Variants in PTPRD observed in about 807,000 individuals in gnomAD.
PTPRD encodes receptor-type tyrosine-protein phosphatase delta.
In PTPRD, 34 loss-of-function variants were observed where a neutral mutation model predicts 214.5. The ratio of observed to expected loss-of-function variants is 0.16; its 90% CI spans 0.12 to 0.21. The LOEUF is 0.21. Ranked by LOEUF, PTPRD falls within the 10% of genes least tolerant of loss-of-function variation. PTPRD has a pLI of 1.00. For synonymous variants in PTPRD, 1,128 were observed against 845.7 expected, an observed-to-expected ratio of 1.33 and a Z score of -5.79; for missense variants, 2,545 against 2,398.7, an observed-to-expected ratio of 1.06 and a Z score of -1.27.
In PTPRD at chr9:8,523,537, G is replaced by A. The variant is rs776467229; in HGVS notation, c.680-13C>T. The A allele has an allele frequency of 1.9e-5, 30 of 1,612,974 alleles. No individual in the cohort carries two copies. The highest frequency in any genetic ancestry group is 5.0e-5 in the Admixed American group (3 of 59,910). ...CCTTCTCGCAGCTCTGAGGGATGTA[G>A]GGGGTTTGATGCAGAACACAATGAA... On this transcript the variant is annotated splice_polypyrimidine_tract_variant and intron_variant, in intron 18 of 45. Coordinates refer to ENST00000381196, the MANE Select transcript of PTPRD (RefSeq NM_002839.4).
intron 7 of PTPRD, among the ~76,000 whole-genome samples, chr9:9,593,142 G>GAAAGAAAAGAAAAGAAAAGAAAAGA (rs56345527): frequency 6.2e-5 from 9 of 145,932 alleles, no homozygotes; most frequent in African/African-American, 2.3e-4. Context: ...AAAGGAAAGG[G>GAAAGAAAAGAAAAGAAAAGAAAAGA]AAAGAAAAGA....
chr9:10,610,642 A>T (rs2080746176), intron 2 of PTPRD, among the ~76,000 whole-genome samples: 1 of 152,164 alleles, frequency 6.6e-6, no homozygotes, highest in East Asian at 1.9e-4. Context: ...TTTTAAACCA[A>T]TAATAGAAAT....
chr9:10,210,821 ATGTATGTAT>A (rs2099513466), intron 3 of PTPRD, among the ~76,000 whole-genome samples: 1 of 68,144 alleles, frequency 1.5e-5, no homozygotes, highest in Non-Finnish European at 2.5e-5. Context: ...ATATATATAT[ATGTATGTAT>A]GTATGTATGT....
chr9:8,493,723 A>G (rs2097196136), intron 26 of PTPRD, among the ~76,000 whole-genome samples: 1 of 152,224 alleles, frequency 6.6e-6, no homozygotes, highest in Admixed American at 6.5e-5. Flanking sequence ...GTTTTACCAC[A>G]TCACTAGTAT....
At chr9:8,720,049 C>A (rs922744062) in intron 12 of PTPRD, among the ~76,000 whole-genome samples, 3 of 152,134 alleles carry the variant, frequency 2.0e-5, no homozygotes, top group African/African-American at 7.2e-5. Flanking sequence ...TGGCTTAAGG[C>A]AAAGATTTCT....
chr9:8,445,002 A>G (rs936972008), intron 34 of PTPRD, among the ~76,000 whole-genome samples: 5 of 152,142 alleles, frequency 3.3e-5, no homozygotes, highest in Non-Finnish European at 5.9e-5. Flanking sequence ...CCCTTCTTCC[A>G]TAGATCTTAA....
intron 35 of PTPRD, among the ~76,000 whole-genome samples, chr9:8,426,097 A>G (rs2094648760): frequency 6.6e-6 from 1 of 152,194 alleles, no homozygotes; most frequent in Non-Finnish European, 1.5e-5. Flanking sequence ...ATGTTAAGTG[A>G]CTGACAGATA....
intron 7 of PTPRD, among the ~76,000 whole-genome samples, chr9:9,649,184 C>T (rs1342121320): frequency 6.6e-6 from 1 of 152,128 alleles, no homozygotes; most frequent in African/African-American, 2.4e-5. Flanking sequence ...TAGGAGGCTC[C>T]TCATTTCATA....
chr9:8,880,554 T>A lies in PTPRD; in HGVS notation c.-104+138143A>T, dbSNP rs554751932. Among the ~76,000 whole-genome samples the A allele has an allele frequency of 2.2e-3, 334 of 152,196 alleles. 3 individuals carry two copies. The highest frequency in any genetic ancestry group is 7.8e-3 in the African/African-American group (324 of 41,520). On this transcript the variant is annotated intron_variant, in intron 11 of 45. Transcript: ENST00000381196. ...TTAATCTGAGGGTGCCTATTGGGAGTAATGAAATAACATTACATTACTGCA... is the reference window on the plus strand; with the variant it reads ...TTAATCTGAGGGTGCCTATTGGGAGAAATGAAATAACATTACATTACTGCA...
intron 39 of PTPRD, among the ~76,000 whole-genome samples, chr9:8,342,319 A>G (rs868393373): frequency 1.3e-5 from 2 of 152,134 alleles, no homozygotes; most frequent in East Asian, 3.9e-4. Flanking sequence ...TAGTCTGTCC[A>G]TATTTAGAAG....
At chr9:9,330,133 C>A (rs2041759463) in intron 9 of PTPRD, among the ~76,000 whole-genome samples, 1 of 152,078 alleles carries the variant, frequency 6.6e-6, no homozygotes, top group Non-Finnish European at 1.5e-5. Context: ...ACTCCAGACC[C>A]TGCCATGCCA....
intron 39 of PTPRD, among the ~76,000 whole-genome samples, chr9:8,366,206 G>A (rs940089514): frequency 6.6e-6 from 1 of 152,116 alleles, no homozygotes; most frequent in Non-Finnish European, 1.5e-5. Flanking sequence ...TGAAATTTGA[G>A]CAAGAGCAAG....
intron 39 of PTPRD, among the ~76,000 whole-genome samples, chr9:8,349,884 A>G (rs757960765): frequency 6.6e-6 from 1 of 150,664 alleles, no homozygotes; most frequent in Non-Finnish European, 1.5e-5. Flanking sequence ...CACAAACTCT[A>G]TATTTGTTTG....
chr9:10,318,930 G>C (rs1294972925), intron 3 of PTPRD, among the ~76,000 whole-genome samples: 1 of 152,054 alleles, frequency 6.6e-6, no homozygotes, highest in Non-Finnish European at 1.5e-5. Flanking sequence ...ATAGGGCTAA[G>C]AACTACCAGA....
intron 6 of PTPRD, among the ~76,000 whole-genome samples, chr9:9,759,511 A>C (rs1440087737): frequency 6.6e-6 from 1 of 151,386 alleles, no homozygotes; most frequent in African/African-American, 2.4e-5. Context: ...TGTAATGTAG[A>C]ATTCAGAAAA....
chr9:10,266,608 C>T (rs2475348), intron 3 of PTPRD, among the ~76,000 whole-genome samples: 23,982 of 151,860 alleles, frequency 0.16, 2,008 homozygotes, highest in African/African-American at 0.2. Flanking sequence ...TGTATTTGTG[C>T]GGCATGGGGT....
chr9:8,934,387 C>A (rs1404382311), intron 11 of PTPRD, among the ~76,000 whole-genome samples: 1 of 117,380 alleles, frequency 8.5e-6, no homozygotes, highest in Non-Finnish European at 1.7e-5. Flanking sequence ...TTGACAAATA[C>A]TAATTATGTG....
At chr9:9,528,123 A>AT (rs1471820543) in intron 8 of PTPRD, among the ~76,000 whole-genome samples, 1 of 152,220 alleles carries the variant, frequency 6.6e-6, no homozygotes, top group Non-Finnish European at 1.5e-5. Flanking sequence ...AGGAAACTAG[A>AT]TTTTACAGGG....
intron 39 of PTPRD, among the ~76,000 whole-genome samples, chr9:8,370,451 G>A (rs1199183069): frequency 6.6e-6 from 1 of 152,022 alleles, no homozygotes; most frequent in Admixed American, 6.6e-5. Context: ...ACCTCCCTGT[G>A]CGGAATGCTC....
Sources: allele counts gnomAD v4.1 joint callset (sites outside exome capture counted in the v4.1 genomes callset), GRCh38; gene constraint gnomAD v4.1.1; transcripts MANE v1.5; gene names NCBI Gene and HGNC (gene_info 2026-07-23, HGNC 2026-07-21).